Variants in BCLAF3 observed in about 807,000 individuals in gnomAD.
The protein encoded by BCLAF3 is transient octamer binding factor 1.
A neutral mutation model predicts 51.2 loss-of-function variants in BCLAF3; 24 were observed. The observed-to-expected ratio is 0.47, with a 90% CI of 0.34 to 0.66. BCLAF3 has a LOEUF of 0.66. BCLAF3 is among the 30% of genes least tolerant of loss of function. BCLAF3 has a pLI of 0.01. For synonymous variants in BCLAF3, 152 were observed against 176.6 expected, an observed-to-expected ratio of 0.86 and a Z score of 1.10; for missense variants, 465 against 525.1, an observed-to-expected ratio of 0.89 and a Z score of 1.12.
chrX:19,920,287 GCCTTTT>G, intron 11 of BCLAF3, among the ~76,000 whole-genome samples: 1 of 111,917 alleles, frequency 8.9e-6, no homozygotes, highest in Middle Eastern at 4.6e-3. Flanking sequence ...CGCCCTATAT[GCCTTTT>G]CCTTTTGCTG....
rs2069891804 is a variant in BCLAF3 at position 19,914,746 on chromosome X, C to G, written c.*2559G>C. 9.0e-6 allele frequency: 1 copy of G among 111,378 alleles called. No homozygotes were observed. Among genetic ancestry groups the G allele is most frequent in the African/African-American group, 3.3e-5 (1 of 30,619 alleles). 9.2% of individuals were successfully genotyped at this position (111,378 alleles called of 1,213,427 possible). On this transcript the variant is annotated 3_prime_UTR_variant, in exon 12 of 12. Coordinates refer to ENST00000379682, the MANE Select transcript of BCLAF3 (RefSeq NM_001367774.2). ...ACATGCAGCTATAAAAGAAATAATA[C>G]AGAGAGATCCCGCGTACAATTTACC...
At chrX:19,923,870 C>T (rs2070269621) in intron 11 of BCLAF3, among the ~76,000 whole-genome samples, 1 of 104,527 alleles carries the variant, frequency 9.6e-6, no homozygotes, top group Non-Finnish European at 2.0e-5. Flanking sequence ...GAGACAGAAT[C>T]TCACTCTGTC....
intron 10 of BCLAF3, among the ~76,000 whole-genome samples, chrX:19,933,010 A>G (rs1230051896): frequency 2.7e-5 from 3 of 112,308 alleles, no homozygotes; most frequent in African/African-American, 9.7e-5. Flanking sequence ...CCTCTTTGAT[A>G]ATAAAGTTCA....
chrX:19,940,344 G>A (rs1173925478), intron 8 of BCLAF3, among the ~76,000 whole-genome samples: 3 of 107,834 alleles, frequency 2.8e-5, no homozygotes, highest in African/African-American at 1.0e-4. Context: ...AGTTACATAT[G>A]TATACATGTG....
chrX:19,975,479 G>GAC (rs2072397236), intron 1 of BCLAF3, among the ~76,000 whole-genome samples: 1 of 110,239 alleles, frequency 9.1e-6, no homozygotes, highest in South Asian at 3.8e-4. Context: ...AAGTAGCTGG[G>GAC]ACTACAGGTG....
At chrX:19,952,868 T>C (rs907113532) in intron 7 of BCLAF3, 120 bp downstream of exon 7, 9 of 510,603 alleles carry the variant, frequency 1.8e-5, no homozygotes, top group Non-Finnish European at 2.8e-5. Context: ...TTCAGATTCC[T>C]GGGTTTCAAT....
At chrX:19,964,633 G>A (rs1037814924) in intron 4 of BCLAF3, among the ~76,000 whole-genome samples, 1 of 111,195 alleles carries the variant, frequency 9.0e-6, no homozygotes, top group Non-Finnish European at 1.9e-5. Context: ...GGCCTGCTAA[G>A]GTCCCTTTCA....
chrX:19,949,751 T>C (rs747233573), intron 8 of BCLAF3, among the ~76,000 whole-genome samples: 1 of 112,713 alleles, frequency 8.9e-6, no homozygotes, highest in South Asian at 3.6e-4. Context: ...AAAAGTCTTG[T>C]CAAATACATT....
At position 19,935,914 on chromosome X, in the gene BCLAF3, T is replaced by C; in HGVS notation, c.1861-16A>G. On this transcript the variant is annotated splice_polypyrimidine_tract_variant and intron_variant, in intron 9 of 11. Coordinates refer to ENST00000379682, the MANE Select transcript of BCLAF3 (RefSeq NM_001367774.2). ...TAGTATAATTCTGCACGAAAAAAAGTAGTAGTGTGGGTTAACAGACTTTAA... is the reference window on the plus strand; with the variant it reads ...TAGTATAATTCTGCACGAAAAAAAGCAGTAGTGTGGGTTAACAGACTTTAA... The C allele has an allele frequency of 8.7e-7, 1 of 1,146,520 alleles. No individual in the cohort carries two copies. Among genetic ancestry groups the C allele is most frequent in the African/African-American group, 1.8e-5 (1 of 56,495 alleles). The allele number at this position is 1,146,520 out of a possible 1,213,427, so 94.5% of individuals were successfully genotyped here.
In BCLAF3 at chrX:19,966,328, G is replaced by A; in HGVS notation, c.363C>T (p.Pro121=). 8.3e-7 allele frequency: 1 copy of A among 1,211,507 alleles called. No homozygotes were observed. The highest frequency in any genetic ancestry group is 1.1e-6 in the Non-Finnish European group (1 of 895,360). The change falls in exon 3 of 12, where the codon CCC becomes CCT. Residue 121 remains proline, a synonymous_variant. Transcript: ENST00000379682. ...AAGAATTCCTTTCATGCTCTTTGTA[G>A]GGTATACCCTCTGAGTATTTGGGCA... ...QYMPKYSEGI[P]YKEHERNSYP...
intron 10 of BCLAF3, 109 bp downstream of exon 10, chrX:19,935,700 A>G (rs970563831): frequency 3.4e-6 from 2 of 593,167 alleles, no homozygotes; most frequent in African/African-American, 4.5e-5. Flanking sequence ...GTTTATAGCT[A>G]CCATTTGAAA....
chrX:19,972,967 T>C (rs2072304826), intron 1 of BCLAF3, among the ~76,000 whole-genome samples: 1 of 112,362 alleles, frequency 8.9e-6, no homozygotes, highest in Non-Finnish European at 1.9e-5. Flanking sequence ...TATGTGGACA[T>C]ATGTTTTCAT....
At chrX:19,922,854 C>T (rs764476344) in intron 11 of BCLAF3, among the ~76,000 whole-genome samples, 32 of 109,670 alleles carry the variant, frequency 2.9e-4, no homozygotes, top group African/African-American at 9.6e-4. Context: ...AAGCCGAGAT[C>T]GCGCCACTGC....
chrX:19,946,479 TC>T (rs1299397756), intron 8 of BCLAF3, among the ~76,000 whole-genome samples: 1 of 111,600 alleles, frequency 9.0e-6, no homozygotes, highest in Non-Finnish European at 1.9e-5. Context: ...CTACCTCTAA[TC>T]TTTTTTTTTC....
rs2072051117 is a variant in BCLAF3, at chrX:19,966,223, C to G, written c.468G>C (p.Gln156His). ...RGSGKGGKPP[Q>H]RSIADSFRFE... ...ATCTAAAAGAATCTGCTATTGACCT[C>G]TGAGGTGGTTTCCCTCCTTTTCCAC... The change falls in exon 3 of 12, where the codon CAG becomes CAC. Residue 156 changes from glutamine (Q) to histidine (H), a missense_variant. Transcript: ENST00000379682. 4.1e-6 allele frequency: 5 copies of G among 1,211,696 alleles called. No individual in the cohort carries two copies. The highest frequency in any genetic ancestry group is 4.5e-6 in the Non-Finnish European group (4 of 895,516).
intron 11 of BCLAF3, among the ~76,000 whole-genome samples, chrX:19,925,139 A>C (rs1222146093): frequency 9.0e-6 from 1 of 111,542 alleles, no homozygotes; most frequent in Non-Finnish European, 1.9e-5. Flanking sequence ...GAGCCAATGC[A>C]GTTTTAGGGA....
intron 1 of BCLAF3, among the ~76,000 whole-genome samples, chrX:19,973,360 CTAAGA>C (rs2072314454): frequency 9.0e-6 from 1 of 111,384 alleles, no homozygotes; most frequent in Non-Finnish European, 1.9e-5. Flanking sequence ...GCTGTGTACA[CTAAGA>C]TGTTTGTATC....
At chrX:19,923,775 T>C (rs994200228) in intron 11 of BCLAF3, among the ~76,000 whole-genome samples, 1 of 111,459 alleles carries the variant, frequency 9.0e-6, no homozygotes, top group Admixed American at 9.6e-5. Context: ...TTCTGTCACT[T>C]AGCATCATAT....
At chrX:19,974,799 T>C (rs2072368208) in intron 1 of BCLAF3, among the ~76,000 whole-genome samples, 1 of 110,701 alleles carries the variant, frequency 9.0e-6, no homozygotes, top group African/African-American at 3.3e-5. Context: ...GGAGAATCGC[T>C]TGAACCCGGG....
Sources: allele counts gnomAD v4.1 joint callset (sites outside exome capture counted in the v4.1 genomes callset), GRCh38; gene constraint gnomAD v4.1.1; transcripts MANE v1.5; gene names NCBI Gene and HGNC (gene_info 2026-07-23, HGNC 2026-07-21).